Variants in DNAH5 observed in about 807,000 individuals in gnomAD.
The protein encoded by DNAH5 is dynein axonemal heavy chain 5, also known as axonemal beta dynein heavy chain 5.
Under a neutral mutation model 518.2 loss-of-function variants are expected in DNAH5, and 372 were observed. That is an observed-to-expected ratio of 0.72 (90% CI 0.66 to 0.78). DNAH5 has a LOEUF of 0.78. Among genes scored for constraint, DNAH5 ranks in the 30% least tolerant of loss-of-function variants. The probability of loss-of-function intolerance (pLI) is 0.00; values close to 1 mark genes in which losing one functional copy is unlikely to be tolerated. For missense variants in DNAH5, 5,523 were observed against 5,687.0 expected (o/e 0.97, Z 0.93); for synonymous variants, 2,039 against 2,025.9 (o/e 1.01, Z -0.17).
At chr5:13,807,188 G>T (rs764450226) in intron 47 of DNAH5, among the ~76,000 whole-genome samples, 2 of 152,126 alleles carry the variant, frequency 1.3e-5, no homozygotes, top group Non-Finnish European at 2.9e-5. Context: ...CAACAGGGAC[G>T]CATTAAAGAT....
intron 5 of DNAH5, among the ~76,000 whole-genome samples, chr5:13,921,518 C>G (rs914861870): frequency 7.4e-6 from 1 of 135,130 alleles, no homozygotes; most frequent in African/African-American, 2.9e-5. Flanking sequence ...CACACACACA[C>G]AAGCGTACAT....
At chr5:13,866,164 T>C (rs754775860) in intron 26 of DNAH5, 56 bp downstream of exon 26, 1 of 1,544,590 alleles carries the variant, frequency 6.5e-7, no homozygotes, top group Non-Finnish European at 8.9e-7. Flanking sequence ...CATATGTGTG[T>C]TTAAAACACA....
In DNAH5 at chr5:13,863,543, C is replaced by T. The variant is rs151085698; in HGVS notation, c.4597-796G>A. 2.3e-3 allele frequency among the ~76,000 whole-genome samples: 345 copies of T among 152,174 alleles called. 2 individuals carry two copies. The highest frequency in any genetic ancestry group is 8.0e-3 in the African/African-American group (334 of 41,534). On this transcript the variant is annotated intron_variant, in intron 28 of 78. Transcript: ENST00000265104. ...GAGTTCATCTTTAGCCCTCCCCTTC[C>T]TTCTCCTACCATGTTCCCTTCATCA...
intron 24 of DNAH5, among the ~76,000 whole-genome samples, chr5:13,870,533 G>T (rs1438126308): frequency 6.6e-6 from 1 of 152,044 alleles, no homozygotes; most frequent in East Asian, 1.9e-4. Flanking sequence ...TAAATCATTT[G>T]CACAGAAATC....
chr5:13,910,712 G>A, intron 12 of DNAH5, among the ~76,000 whole-genome samples: 1 of 152,120 alleles, frequency 6.6e-6, no homozygotes, highest in East Asian at 1.9e-4. Flanking sequence ...CATCCCGCCT[G>A]TGTCCACCAC....
chr5:13,879,064 T>C (rs921938827), intron 21 of DNAH5, among the ~76,000 whole-genome samples: 1 of 152,160 alleles, frequency 6.6e-6, no homozygotes, highest in Non-Finnish European at 1.5e-5. Context: ...TAGAGAGGCA[T>C]CTTGAAATCT....
At chr5:14,002,302 T>C (rs1784409852) in intron 1 of DNAH5, among the ~76,000 whole-genome samples, 2 of 152,234 alleles carry the variant, frequency 1.3e-5, no homozygotes, top group Non-Finnish European at 2.9e-5. Flanking sequence ...TATCTTTTCA[T>C]GGGTGCACAT....
intron 1 of DNAH5, among the ~76,000 whole-genome samples, chr5:13,956,208 A>C (rs1411605108): frequency 6.6e-6 from 1 of 152,186 alleles, no homozygotes; most frequent in Non-Finnish European, 1.5e-5. Flanking sequence ...TCTACAGCTC[A>C]TTCCTTGAAT....
chr5:13,811,469 T>C (rs569823964), intron 44 of DNAH5, among the ~76,000 whole-genome samples, 178 bp downstream of exon 44: 1 of 152,308 alleles, frequency 6.6e-6, no homozygotes, highest in African/African-American at 2.4e-5. Flanking sequence ...AATAAGTATA[T>C]ATGTGGGATC....
chr5:13,824,497 T>G (rs1054337216), intron 38 of DNAH5, among the ~76,000 whole-genome samples, 164 bp from the exon 39 acceptor site: 3 of 152,242 alleles, frequency 2.0e-5, no homozygotes, highest in Admixed American at 2.0e-4. Context: ...AGATATACGT[T>G]TTGAGCAAAT....
rs1381292846 is a variant in DNAH5 at position 13,902,086 on chromosome 5, T to C, written c.1697A>G (p.Asn566Ser). 6.2e-7 allele frequency: 1 copy of C among 1,608,786 alleles called. No individual in the cohort carries two copies. Reference protein sequence around the residue: ...DVTFAKIQNTNQALRMLKKFE... With the variant: ...DVTFAKIQNTSQALRMLKKFE... ...TTTCTTCAACATTCTTAGAGCTTGA[T>C]TTGTGTTTTGAATCTTTGCAAATGT... is the stretch of plus-strand genomic sequence containing the variant. The change falls in exon 13 of 79, where the codon AAT becomes AGT. Residue 566 changes from asparagine to serine, a missense_variant. This residue lies in a region of DNAH5 where 5,121 missense variants were observed against 5,223.3 expected (regional missense o/e 0.98). Coordinates refer to ENST00000265104, the MANE Select transcript of DNAH5 (RefSeq NM_001369.3).
At chr5:13,723,616 T>G (rs1281412961) in intron 70 of DNAH5, among the ~76,000 whole-genome samples, 1 of 152,232 alleles carries the variant, frequency 6.6e-6, no homozygotes, top group Non-Finnish European at 1.5e-5. Context: ...ACTCCGCCAT[T>G]GTTGCACAAA....
At chr5:13,810,623 G>T (rs951732133) in intron 44 of DNAH5, 1 of 181,426 alleles carries the variant, frequency 5.5e-6, no homozygotes, top group Admixed American at 6.1e-5. Flanking sequence ...GGGTGGTGGC[G>T]GGCGCCTGTA....
At chr5:13,794,161 A>T (rs1390273669) in intron 47 of DNAH5, 103 bp from the exon 48 acceptor site, 1 of 1,478,818 alleles carries the variant, frequency 6.8e-7, no homozygotes, top group Admixed American at 2.0e-5. Context: ...AACTGATATG[A>T]ATTATTTCTA....
chr5:13,896,690 G>C (rs1773957191), intron 15 of DNAH5: 1 of 152,150 alleles, frequency 6.6e-6, no homozygotes, highest in Admixed American at 6.5e-5. Flanking sequence ...TATCTAATTA[G>C]TTGTTATCAG....
At chr5:13,931,024 C>T (rs1778361605) in intron 2 of DNAH5, 86 bp downstream of exon 2, 1 of 1,603,448 alleles carries the variant, frequency 6.2e-7, no homozygotes, top group African/African-American at 1.3e-5. Context: ...CCTCTGGGCA[C>T]AGCATGGGAT....
chr5:13,923,875 C>T (rs1392245411), intron 3 of DNAH5, among the ~76,000 whole-genome samples: 1 of 152,002 alleles, frequency 6.6e-6, no homozygotes, highest in Admixed American at 6.6e-5. Flanking sequence ...GAAACCCTGT[C>T]TCTACTAAAA....
At chr5:13,953,048 G>A (rs546233976) in intron 1 of DNAH5, among the ~76,000 whole-genome samples, 3 of 152,300 alleles carry the variant, frequency 2.0e-5, no homozygotes, top group Admixed American at 2.0e-4. Flanking sequence ...GAGCAAAATT[G>A]CTATTAATAA....
intron 52 of DNAH5, among the ~76,000 whole-genome samples, chr5:13,784,324 T>G (rs1453544409): frequency 6.6e-6 from 1 of 152,232 alleles, no homozygotes; most frequent in Non-Finnish European, 1.5e-5. Flanking sequence ...CTGAAACAAC[T>G]CTTAATCAAC....
Sources: gnomAD v4.1 joint callset for allele counts (sites outside exome capture counted in the v4.1 genomes callset) on GRCh38, gnomAD v4.1.1 for gene constraint, gnomAD v4.1.1 regional missense constraint, MANE v1.5 for transcripts, NCBI Gene and HGNC (gene_info 2026-07-23, HGNC 2026-07-21) for gene names.